The following SEL1L3 variants were observed in gnomAD, a reference collection of about 807,000 sequenced individuals.
SEL1L3 encodes the protein SEL1L family member 3.
In SEL1L3, 76 loss-of-function variants were observed where a neutral mutation model predicts 142.8. The ratio of observed to expected loss-of-function variants is 0.53; its 90% CI spans 0.44 to 0.64. SEL1L3 has a LOEUF of 0.64. Ranked by LOEUF, SEL1L3 falls within the 30% of genes least tolerant of loss-of-function variation. SEL1L3 has a pLI of 0.00. For missense variants in SEL1L3, 1,262 were observed against 1,381.7 expected, an observed-to-expected ratio of 0.91 and a Z score of 1.37; for synonymous variants, 504 against 519.6, an observed-to-expected ratio of 0.97 and a Z score of 0.41.
At chr4:25,809,910 C>T (rs1023310076) in intron 9 of SEL1L3, among the ~76,000 whole-genome samples, 1 of 152,212 alleles carries the variant, frequency 6.6e-6, no homozygotes, top group African/African-American at 2.4e-5. Flanking sequence ...TCCAAATAAA[C>T]ATCGCAATTG....
intron 2 of SEL1L3, among the ~76,000 whole-genome samples, chr4:25,843,167 TCCCAC>T (rs1716279331): frequency 6.6e-6 from 1 of 151,614 alleles, no homozygotes; most frequent in South Asian, 2.1e-4. Context: ...AGGGACAGAT[TCCCAC>T]AGAGTAAGGG....
chr4:25,779,278 T>C, intron 15 of SEL1L3, 75 bp from the exon 16 acceptor site: 3 of 1,538,082 alleles, frequency 2.0e-6, no homozygotes, highest in Admixed American at 3.5e-5. Flanking sequence ...GATGAGATGC[T>C]TTAAGCCTGA....
intron 3 of SEL1L3, among the ~76,000 whole-genome samples, chr4:25,834,135 A>C (rs1057039143): frequency 3.9e-5 from 6 of 152,264 alleles, no homozygotes; most frequent in African/African-American, 1.4e-4. Context: ...CTGGCTGACC[A>C]ATACGGAACA....
At chr4:25,786,323 C>T (rs1477947780) in intron 13 of SEL1L3, among the ~76,000 whole-genome samples, 1 of 152,206 alleles carries the variant, frequency 6.6e-6, no homozygotes, top group African/African-American at 2.4e-5. Flanking sequence ...CTTCTAGCCA[C>T]AGGCGGAAAT....
the SEL1L3 span, among the ~76,000 whole-genome samples, chr4:25,722,624 C>CTTTTTTTTTTTTTTTTTTTTTTTTTT: frequency 1.6e-4 from 17 of 103,662 alleles, 1 homozygote; most frequent in African/African-American, 5.8e-4. Flanking sequence ...CCAAAGGAGG[C>CTTTTTTTTTTTTTTTTTTTTTTTTTT]TTTTTTTTTT....
intron 23 of SEL1L3, among the ~76,000 whole-genome samples, chr4:25,750,261 A>C (rs949223948): frequency 6.6e-6 from 1 of 151,186 alleles, no homozygotes; most frequent in African/African-American, 2.4e-5. Flanking sequence ...AAAAAGAAAG[A>C]AAAAAGAAAC....
At chr4:25,850,621 A>T (rs1716814597) in intron 1 of SEL1L3, among the ~76,000 whole-genome samples, 1 of 152,218 alleles carries the variant, frequency 6.6e-6, no homozygotes, top group African/African-American at 2.4e-5. Context: ...GTGCAAAATG[A>T]TGTTTGTGTA....
At chr4:25,811,222 C>T (rs1713997764) in intron 9 of SEL1L3, among the ~76,000 whole-genome samples, 1 of 152,166 alleles carries the variant, frequency 6.6e-6, no homozygotes, top group South Asian at 2.1e-4. Flanking sequence ...CATATGAAAG[C>T]AAGAACTATG....
intron 11 of SEL1L3, among the ~76,000 whole-genome samples, chr4:25,795,444 CA>C (rs1455852045): frequency 9.8e-5 from 15 of 152,304 alleles, no homozygotes; most frequent in African/African-American, 3.4e-4. Flanking sequence ...CTTTAGAAAA[CA>C]GAAGGACTAG....
the SEL1L3 span, among the ~76,000 whole-genome samples, chr4:25,736,486 A>C: frequency 2.6e-5 from 4 of 152,042 alleles, no homozygotes; most frequent in African/African-American, 9.7e-5. Context: ...GGCCTCCCAA[A>C]GTGCTGGGAT....
Position 25,790,736 on chromosome 4 carries a change from GAAGGAAGGAAGGAAGGAAGGAAGAA to G in SEL1L3, c.1957-187_1957-163del, listed in dbSNP as rs1560303461. 3.4e-5 allele frequency among the ~76,000 whole-genome samples: 4 copies of G among 118,662 alleles called. No homozygotes were observed. In the East Asian group the frequency reaches 1.1e-3, roughly 34 times the overall value. 77.8% of individuals were successfully genotyped at this position (118,662 alleles called of 152,430 possible). The stretch of plus-strand genomic sequence containing the variant: ...AGAAGGAGAGAGGGAGGGAGGGAAG[GAAGGAAGGAAGGAAGGAAGGAAGAA>G]AGGAAGGGAGGAAGGAAGGAGGGAA... On this transcript the variant is annotated intron_variant, in intron 11 of 23. Coordinates refer to ENST00000399878, the MANE Select transcript of SEL1L3 (RefSeq NM_015187.5).
At chr4:25,730,947 C>A in the SEL1L3 span, among the ~76,000 whole-genome samples, 2 of 152,168 alleles carry the variant, frequency 1.3e-5, no homozygotes, top group Admixed American at 6.5e-5. Flanking sequence ...AGGAGAATCA[C>A]TTGTACCTGG....
chr4:25,787,447 G>A (rs4697113), intron 13 of SEL1L3, among the ~76,000 whole-genome samples: 30,926 of 151,910 alleles, frequency 0.2, 3,257 homozygotes, highest in Middle Eastern at 0.27. Flanking sequence ...CAGCCTCCCA[G>A]GTAGCTGGGA....
At chr4:25,805,044 C>G (rs1372115817) in intron 9 of SEL1L3, among the ~76,000 whole-genome samples, 1 of 152,164 alleles carries the variant, frequency 6.6e-6, no homozygotes, top group Non-Finnish European at 1.5e-5. Context: ...CTCAGTGTAA[C>G]TCATCACCAA....
At chr4:25,842,523 CAGG>C in intron 2 of SEL1L3, among the ~76,000 whole-genome samples, 1 of 152,212 alleles carries the variant, frequency 6.6e-6, no homozygotes, top group East Asian at 1.9e-4. Context: ...AATCCCTGAA[CAGG>C]AGGAGCCTGC....
In SEL1L3 at chr4:25,833,024, G is replaced by A. The variant is rs747819559; in HGVS notation, c.1069C>T (p.Arg357Ter). Residue 357 changes from arginine (R) to a stop codon, truncating the protein, a stop_gained, in exon 5 of 24, where the codon CGA (arginine) becomes TGA (stop). Coordinates refer to ENST00000399878, the MANE Select transcript of SEL1L3 (RefSeq NM_015187.5). LOFTEE classifies it high-confidence loss of function. ...CCTCCGTTAAAAGAGATATCCAGTC[G>A]AAACCACTCCTTCAAAGGTATGATG... is the stretch of plus-strand genomic sequence containing the variant. The part of the protein sequence containing the change: ...KFIIPLKEWF[R>*]LDISFNGGQI... 5 of 1,609,744 alleles carry A rather than the reference G, an allele frequency of 3.1e-6. No homozygotes were observed. The highest frequency in any genetic ancestry group is 4.3e-6 in the Non-Finnish European group (5 of 1,176,154).
intron 2 of SEL1L3, among the ~76,000 whole-genome samples, chr4:25,840,337 T>G (rs1332626255): frequency 6.6e-6 from 1 of 152,212 alleles, no homozygotes; most frequent in Non-Finnish European, 1.5e-5. Context: ...ATATAGTTTA[T>G]AACTACTAAA....
chr4:25,788,569 C>CGTGTGTGTGTGTGTGT lies in SEL1L3; in HGVS notation c.2077-221_2077-206dup. Among the ~76,000 whole-genome samples the CGTGTGTGTGTGTGTGT allele has an allele frequency of 7.1e-6, 1 of 139,954 alleles. No individual in the cohort carries two copies. Among genetic ancestry groups the CGTGTGTGTGTGTGTGT allele is most frequent in the Non-Finnish European group, 1.6e-5 (1 of 64,318 alleles). 91.8% of individuals were successfully genotyped at this position (139,954 alleles called of 152,430 possible). On this transcript the variant is annotated intron_variant, in intron 12 of 23. Coordinates refer to ENST00000399878, the MANE Select transcript of SEL1L3 (RefSeq NM_015187.5). This position sits in a 1 kb window ranked among gnomAD's most constrained non-coding sequence, Gnocchi z 5.3. ...CCCTTAATGCAAGCCAGAAATGGTT[C>CGTGTGTGTGTGTGTGT]GTGTGTGTGTGTGTGTGTGTGTGTG...
Position 25,822,147 on chromosome 4 carries a change from G to A in SEL1L3, c.1158-19C>T. 2.5e-6 allele frequency: 4 copies of A among 1,602,182 alleles called. No individual in the cohort carries two copies. Among genetic ancestry groups the A allele is most frequent in the Non-Finnish European group, 3.4e-6 (4 of 1,169,664 alleles). ...CCGGAAGCTAGAGAAGAGAATGAAGGATTAAGAGAGCTCCATGCCGGAACT... is the reference window on the plus strand; with the variant it reads ...CCGGAAGCTAGAGAAGAGAATGAAGAATTAAGAGAGCTCCATGCCGGAACT... On this transcript the variant is annotated intron_variant, in intron 6 of 23. Transcript: ENST00000399878.
Sources: gnomAD v4.1 joint callset for allele counts (sites outside exome capture counted in the v4.1 genomes callset) on GRCh38, gnomAD v4.1.1 for gene constraint, Gnocchi (gnomAD v3.1) non-coding constraint, MANE v1.5 for transcripts, NCBI Gene and HGNC (gene_info 2026-07-23, HGNC 2026-07-21) for gene names.